CCNB3: variants seen among roughly 807,000 people sequenced by gnomAD.
The protein encoded by CCNB3 is G2/mitotic-specific cyclin-B3.
Under a neutral mutation model 68.0 loss-of-function variants are expected in CCNB3, and 12 were observed. The observed-to-expected ratio is 0.18, with a 90% CI of 0.11 to 0.29. The LOEUF is 0.29. CCNB3 is among the 10% of genes least tolerant of loss of function. CCNB3 has a pLI of 1.00. For missense variants in CCNB3, 904 were observed against 993.1 expected (o/e 0.91, Z 1.21); for synonymous variants, 354 against 388.9 (o/e 0.91, Z 1.06).
At chrX:50,217,324 A>T (rs2146982827) in intron 1 of CCNB3, among the ~76,000 whole-genome samples, 1 of 80,125 alleles carries the variant, frequency 1.2e-5, no homozygotes, top group Admixed American at 2.0e-4. Flanking sequence ...CCCAGGCTGG[A>T]GGGCAGTGGC....
rs1557214693 is a variant in CCNB3, at chrX:50,310,747, T to C, written c.2578T>C (p.Leu860=). 8.3e-7 allele frequency: 1 copy of C among 1,210,307 alleles called. No homozygotes were observed. Among genetic ancestry groups the C allele is most frequent in the Non-Finnish European group, 1.1e-6 (1 of 895,044 alleles). Residue 860 remains leucine, a synonymous_variant, in exon 6 of 13, where the codon TTG becomes CTG. Coordinates refer to ENST00000376042, the MANE Select transcript of CCNB3 (RefSeq NM_033031.3). ...CACAGAAGCTCACTTTAAGGAAACT[T>C]TGGCCTTGCAGGAGAAGCCCAGCAT... ...VDTEAHFKET[L]ALQEKPSIEQ...
intron 8 of CCNB3, among the ~76,000 whole-genome samples, chrX:50,337,677 T>A (rs980418201): frequency 3.6e-5 from 4 of 111,450 alleles, no homozygotes; most frequent in African/African-American, 1.3e-4. Flanking sequence ...TCAACATAGT[T>A]CCTAGTGAGG....
chrX:50,215,941 CTTT>C (rs1195858030), intron 1 of CCNB3, among the ~76,000 whole-genome samples: 2 of 52,483 alleles, frequency 3.8e-5, no homozygotes, highest in African/African-American at 8.6e-5. Context: ...GGGTGTGCTT[CTTT>C]TTTTTTTTTT....
chrX:50,334,663 G>A (rs1458858395), intron 8 of CCNB3, among the ~76,000 whole-genome samples: 1 of 112,416 alleles, frequency 8.9e-6, no homozygotes, highest in Non-Finnish European at 1.9e-5. Flanking sequence ...CACATAGAGT[G>A]TAAAGGGCTT....
At chrX:50,280,311 T>G (rs1161963639) in intron 1 of CCNB3, among the ~76,000 whole-genome samples, 1 of 102,114 alleles carries the variant, frequency 9.8e-6, no homozygotes. Flanking sequence ...AATATATATA[T>G]AGAATATAGA....
At chrX:50,220,069 G>T (rs1935643731) in intron 1 of CCNB3, among the ~76,000 whole-genome samples, 1 of 111,460 alleles carries the variant, frequency 9.0e-6, no homozygotes, top group Non-Finnish European at 1.9e-5. Context: ...TTGGCTCTCT[G>T]TCTCTTATTG....
chrX:50,311,097 T>C lies in CCNB3; in HGVS notation c.2928T>C (p.Asn976=), dbSNP rs1557214842. 8.3e-7 allele frequency: 1 copy of C among 1,209,915 alleles called. No individual in the cohort carries two copies. Among genetic ancestry groups the C allele is most frequent in the Admixed American group, 2.2e-5 (1 of 45,719 alleles). The change falls in exon 6 of 13, where the codon AAT becomes AAC. Residue 976 remains asparagine (N), a synonymous_variant. Coordinates refer to ENST00000376042, the MANE Select transcript of CCNB3 (RefSeq NM_033031.3). ...TCCCCCAAGTTGGAACCAGCCCAAA[T>C]GTGTCTAGCACTGCCCCTGAATCCA... ...LLVPQVGTSP[N]VSSTAPESIT...
In CCNB3 at chrX:50,298,875, C is replaced by T. The variant is rs781816686; in HGVS notation, c.335+3882C>T. 8.1e-5 allele frequency among the ~76,000 whole-genome samples: 9 copies of T among 111,652 alleles called. No individual in the cohort carries two copies. In the South Asian group the frequency reaches 3.0e-3, roughly 38 times the overall value. On this transcript the variant is annotated intron_variant, in intron 5 of 12. Transcript: ENST00000376042. ...TTTAGTCTTGGGAGAGTGTATGTGT[C>T]GAAAAATTTATCCATTTCTTCTAGA...
chrX:50,220,591 C>T (rs1333989988), intron 1 of CCNB3, among the ~76,000 whole-genome samples: 5 of 110,734 alleles, frequency 4.5e-5, no homozygotes, highest in Non-Finnish European at 7.6e-5. Flanking sequence ...CGTATGTTGA[C>T]GTGAACCATC....
chrX:50,340,195 A>G (rs1379405582), intron 8 of CCNB3, among the ~76,000 whole-genome samples: 4 of 112,170 alleles, frequency 3.6e-5, no homozygotes, highest in Non-Finnish European at 7.5e-5. Context: ...TTTTTGGATC[A>G]TCTAGGTACC....
In CCNB3 at chrX:50,308,917, G is replaced by C. The variant is rs782794193; in HGVS notation, c.748G>C (p.Ala250Pro). ...GCAGTCCTGCCAGGAAGAGTCGTTGGCTGTGCAGGATGTCAATATGGAAGA... is the reference window on the plus strand; with the variant it reads ...GCAGTCCTGCCAGGAAGAGTCGTTGCCTGTGCAGGATGTCAATATGGAAGA... ...RKQSCQEESL[A>P]VQDVNMEEDS... Residue 250 changes from alanine to proline, a missense_variant, in exon 6 of 13, where the codon GCT becomes CCT. Physicochemically the swap from Ala to Pro is conservative, Grantham distance 27. Coordinates refer to ENST00000376042, the MANE Select transcript of CCNB3 (RefSeq NM_033031.3). 2 of 1,209,714 alleles carry C rather than the reference G, an allele frequency of 1.7e-6. No homozygotes were observed. Among genetic ancestry groups the C allele is most frequent in the South Asian group, 3.5e-5 (2 of 56,680 alleles).
intron 3 of CCNB3, among the ~76,000 whole-genome samples, chrX:50,288,356 A>G (rs782321699): frequency 2.7e-5 from 3 of 110,697 alleles, no homozygotes; most frequent in Admixed American, 9.7e-5. Context: ...TGCTTAACAT[A>G]AGAGACACTT....
intron 8 of CCNB3, among the ~76,000 whole-genome samples, chrX:50,333,897 T>C (rs1922724280): frequency 9.0e-6 from 1 of 111,598 alleles, no homozygotes; most frequent in Non-Finnish European, 1.9e-5. Context: ...ACACTGCCTC[T>C]AGTAATTGTA....
intron 8 of CCNB3, among the ~76,000 whole-genome samples, chrX:50,318,468 G>A (rs1015475131): frequency 3.6e-5 from 4 of 111,235 alleles, no homozygotes; most frequent in Non-Finnish European, 5.7e-5. Context: ...AGCCAAGATC[G>A]GGCCACTGCA....
intron 3 of CCNB3, among the ~76,000 whole-genome samples, chrX:50,286,606 C>G (rs1208235071): frequency 2.0e-5 from 2 of 99,711 alleles, no homozygotes; most frequent in Non-Finnish European, 4.0e-5. Context: ...GCCTGGCCCT[C>G]AGTTCGGTTT....
chrX:50,310,720 G>A lies in CCNB3; in HGVS notation c.2551G>A (p.Asp851Asn). 8.3e-7 allele frequency: 1 copy of A among 1,209,806 alleles called. No individual in the cohort carries two copies. Among genetic ancestry groups the A allele is most frequent in the Non-Finnish European group, 1.1e-6 (1 of 894,890 alleles). The change falls in exon 6 of 13, where the codon GAC (aspartate) becomes AAC (asparagine). Residue 851 changes from aspartate to asparagine, a missense_variant. This residue lies in a region of CCNB3 where 619 missense variants were observed against 609.8 expected (regional missense o/e 1.02). Coordinates refer to ENST00000376042, the MANE Select transcript of CCNB3 (RefSeq NM_033031.3). ...KEAVLKEPSV[D>N]TEAHFKETLA... ...GGCTGTCCTCAAGGAGCCCAGTGTT[G>A]ACACAGAAGCTCACTTTAAGGAAAC...
At position 50,227,839 on chromosome X, in the gene CCNB3, A is replaced by AGAGAATATATAAATATATATG. The variant is rs1339757834; in HGVS notation, c.-113+22909_-113+22929dup. On this transcript the variant is annotated intron_variant, in intron 1 of 12. Coordinates refer to ENST00000376042, the MANE Select transcript of CCNB3 (RefSeq NM_033031.3). Reference sequence around the variant, plus strand: ...ATATAGAGAATATATAAATATATATAGAGAATATATAAATATATATGGAGA... The same window carrying AGAGAATATATAAATATATATG: ...ATATAGAGAATATATAAATATATATAGAGAATATATAAATATATATGGAGAATATATAAATATATATGGAGA... Among the ~76,000 whole-genome samples, 812 of 84,013 alleles carry AGAGAATATATAAATATATATG rather than the reference A, an allele frequency of 9.7e-3. 14 individuals are homozygous for AGAGAATATATAAATATATATG. The highest frequency in any genetic ancestry group is 0.037 in the African/African-American group (770 of 20,942). 73.0% of individuals were successfully genotyped at this position (84,013 alleles called of 115,157 possible). A position where few individuals can be genotyped will look rare whatever the true frequency, so the allele number is the denominator to read the frequency against.
intron 8 of CCNB3, among the ~76,000 whole-genome samples, chrX:50,318,188 ATT>A (rs1921831507): frequency 9.7e-6 from 1 of 103,138 alleles, no homozygotes; most frequent in Non-Finnish European, 2.0e-5. Context: ...AAAACTGGGT[ATT>A]GTGATATTTT....
rs1373042336 is a variant in CCNB3, at chrX:50,342,447, T to G, written c.3654+108T>G. 1.4e-5 allele frequency: 12 copies of G among 839,817 alleles called. No individual in the cohort carries two copies. In the African/African-American group the frequency reaches 2.3e-4, roughly 16 times the overall value. 69.2% of individuals were successfully genotyped at this position (839,817 alleles called of 1,213,427 possible). A position where few individuals can be genotyped will look rare whatever the true frequency, so the allele number is the denominator to read the frequency against. ...TTGTTATGTGCTGCATAACAATGTT[T>G]TGGTCAATGATGGACTGCTTATACT... On this transcript the variant is annotated intron_variant, in intron 9 of 12. Coordinates refer to ENST00000376042, the MANE Select transcript of CCNB3 (RefSeq NM_033031.3).
Sources: gnomAD v4.1 joint callset for allele counts (sites outside exome capture counted in the v4.1 genomes callset) on GRCh38, gnomAD v4.1.1 for gene constraint, gnomAD v4.1.1 regional missense constraint, MANE v1.5 for transcripts, NCBI Gene and HGNC (gene_info 2026-07-23, HGNC 2026-07-21) for gene names.